The following NAAA variants were observed in gnomAD, a reference collection of about 807,000 sequenced individuals.
NAAA encodes the protein N-acylethanolamine acid amidase.
NAAA carries 39 observed loss-of-function variants against 44.8 expected under a neutral mutation model. The observed-to-expected ratio is 0.87, with a 90% CI of 0.67 to 1.14. The LOEUF (loss-of-function observed/expected upper bound fraction) is 1.14. Ranked by LOEUF, NAAA falls within the 50% of genes most tolerant of loss-of-function variation. NAAA has a pLI of 0.00. For synonymous variants in NAAA, 178 were observed against 191.3 expected, an observed-to-expected ratio of 0.93 and a Z score of 0.58; for missense variants, 460 against 467.8, an observed-to-expected ratio of 0.98 and a Z score of 0.15.
At chr4:75,938,861 T>C (rs1356046926) in intron 2 of NAAA, among the ~76,000 whole-genome samples, 1 of 152,198 alleles carries the variant, frequency 6.6e-6, no homozygotes, top group Non-Finnish European at 1.5e-5. Context: ...GCACTTTTTT[T>C]CTTTGATATG....
At chr4:75,933,709 A>C (rs1278996973) in intron 3 of NAAA, among the ~76,000 whole-genome samples, 1 of 152,104 alleles carries the variant, frequency 6.6e-6, no homozygotes, top group East Asian at 1.9e-4. Flanking sequence ...CTAGTCAGTT[A>C]ACATAAACAA....
chr4:75,913,924 C>A lies in NAAA; in HGVS notation c.*451G>T. On this transcript the variant is annotated 3_prime_UTR_variant, in exon 11 of 11. Transcript: ENST00000286733. ...AGGCTTGGTTCGAAATAGAGTTCTC[C>A]ATTTCTTTCAGATGAGCCTTTTTTC... is the stretch of plus-strand genomic sequence containing the variant. The A allele has an allele frequency of 1.0e-6, 1 of 985,394 alleles. No individual in the cohort carries two copies. Among genetic ancestry groups the A allele is most frequent in the Non-Finnish European group, 1.2e-6 (1 of 829,920 alleles). The allele number at this position is 985,394 out of a possible 1,614,324, so 61.0% of individuals were successfully genotyped here. A position where few individuals can be genotyped will look rare whatever the true frequency, so the allele number is the denominator to read the frequency against.
chr4:75,935,760 G>A (rs1395684786), intron 3 of NAAA: 3 of 297,830 alleles, frequency 1.0e-5, no homozygotes, highest in Non-Finnish European at 1.8e-5. Flanking sequence ...GGTGTTTCTA[G>A]TTATTGCACT....
In NAAA at chr4:75,926,560, C is replaced by CAAAA. The variant is rs56212846; in HGVS notation, c.590-753_590-750dup. On this transcript the variant is annotated intron_variant, in intron 4 of 10. Coordinates refer to ENST00000286733, the MANE Select transcript of NAAA (RefSeq NM_014435.4). ...TGGGTGACAGAGAGAGACTCTGTCT[C>CAAAA]AAAAAAAAAAAAAAAAAAAAGACGG... is the stretch of plus-strand genomic sequence containing the variant. Among the ~76,000 whole-genome samples the CAAAA allele has an allele frequency of 4.8e-3, 339 of 70,058 alleles. 13 individuals carry two copies. Among genetic ancestry groups the CAAAA allele is most frequent in the South Asian group, 0.013 (22 of 1,754 alleles). 46.0% of individuals were successfully genotyped at this position (70,058 alleles called of 152,430 possible).
At chr4:75,930,335 G>C (rs895851744) in intron 4 of NAAA, 1 of 383,172 alleles carries the variant, frequency 2.6e-6, no homozygotes, top group Non-Finnish European at 5.1e-6. Context: ...TCAATGAACA[G>C]AGCAATTGGG....
chr4:75,925,868 AC>A, intron 4 of NAAA, 57 bp from the exon 5 acceptor site: 1 of 1,492,910 alleles, frequency 6.7e-7, no homozygotes, highest in Non-Finnish European at 9.3e-7. Flanking sequence ...CACACATGAA[AC>A]AGATATGTTA....
Position 75,918,660 on chromosome 4 carries a change from G to A in NAAA, c.998+101C>T, listed in dbSNP as rs1725855895. On this transcript the variant is annotated intron_variant, in intron 9 of 10. Transcript: ENST00000286733. ...CCCCACAGGAGTGCCCCCACAGCCT[G>A]GTTACAGGAGCCCTCAGATCCTTGC... is the stretch of plus-strand genomic sequence containing the variant. 3.1e-6 allele frequency: 4 copies of A among 1,277,942 alleles called. No homozygotes were observed. In the African/African-American group the frequency reaches 5.9e-5, roughly 19 times the overall value. The allele number at this position is 1,277,942 out of a possible 1,614,324, so 79.2% of individuals were successfully genotyped here.
chr4:75,911,886 G>C (rs1362545193), downstream of NAAA, among the ~76,000 whole-genome samples: 1 of 152,126 alleles, frequency 6.6e-6, no homozygotes, highest in Non-Finnish European at 1.5e-5. Flanking sequence ...TCCCTAGCAG[G>C]GCAGAGGTTA....
intron 3 of NAAA, among the ~76,000 whole-genome samples, chr4:75,933,908 T>C (rs954323264): frequency 1.3e-5 from 2 of 151,980 alleles, no homozygotes; most frequent in East Asian, 3.9e-4. Flanking sequence ...CACCCTCCTA[T>C]AGTCCCAGCT....
chr4:75,913,430 G>A (rs6825463), downstream of NAAA, among the ~76,000 whole-genome samples: 13,849 of 152,010 alleles, frequency 0.091, 1,146 homozygotes, highest in African/African-American at 0.22. Context: ...CATGGACTGA[G>A]TGCTGCTTCA....
chr4:75,939,405 T>A (rs945426993), intron 2 of NAAA, among the ~76,000 whole-genome samples: 8 of 150,090 alleles, frequency 5.3e-5, no homozygotes, highest in African/African-American at 1.9e-4. Flanking sequence ...AAAGTACGTT[T>A]TGAGCAGAAT....
At chr4:75,925,437 G>T (rs757315055) in intron 5 of NAAA, among the ~76,000 whole-genome samples, 21 of 152,132 alleles carry the variant, frequency 1.4e-4, no homozygotes, top group Admixed American at 1.4e-3. Flanking sequence ...TAAGCTCCTT[G>T]TTCCCTCACC....
In NAAA at chr4:75,940,017, C is replaced by T; in HGVS notation, c.355G>A (p.Ala119Thr). The T allele has an allele frequency of 6.2e-7, 1 of 1,613,912 alleles. No individual in the cohort carries two copies. Among genetic ancestry groups the T allele is most frequent in the Non-Finnish European group, 8.5e-7 (1 of 1,180,034 alleles). The change falls in exon 2 of 11, where the codon GCC becomes ACC. Residue 119 changes from alanine to threonine, a missense_variant. By Grantham distance (58) the Ala-to-Thr change is moderately conservative. Transcript: ENST00000286733. ...GGCACTCACACGGAGGACTCGTAGGCCAGGTTGACCAGAAGGCAGTCCGCC... is the reference window on the plus strand; with the variant it reads ...GGCACTCACACGGAGGACTCGTAGGTCAGGTTGACCAGAAGGCAGTCCGCC... Reference protein sequence around the residue: ...SLADCLLVNLAYESSVFCTSI... With the variant: ...SLADCLLVNLTYESSVFCTSI...
Position 75,920,941 on chromosome 4 carries a change from T to A in NAAA, c.839+10A>T, listed in dbSNP as rs552142840. The A allele has an allele frequency of 6.2e-7, 1 of 1,613,768 alleles. No homozygotes were observed. The highest frequency in any genetic ancestry group is 1.3e-5 in the African/African-American group (1 of 74,968). On this transcript the variant is annotated intron_variant, in intron 6 of 10. Coordinates refer to ENST00000286733, the MANE Select transcript of NAAA (RefSeq NM_014435.4). The stretch of plus-strand genomic sequence containing the variant: ...GATACAAAATGACCAGAGCTTTCAA[T>A]TCTACTTACGCTCCATTCAAAGGAT...
chr4:75,933,171 T>C (rs1727395942), intron 3 of NAAA, among the ~76,000 whole-genome samples: 1 of 150,690 alleles, frequency 6.6e-6, no homozygotes. Flanking sequence ...AGTATCTGAC[T>C]CATACTGTTC....
intron 3 of NAAA, among the ~76,000 whole-genome samples, chr4:75,931,527 GA>G (rs202044458): frequency 6.7e-6 from 1 of 149,790 alleles, no homozygotes; most frequent in Non-Finnish European, 1.5e-5. Flanking sequence ...CCTTGGATGG[GA>G]AAAAAAAAGA....
chr4:75,930,075 G>A (rs1024897846), intron 4 of NAAA, among the ~76,000 whole-genome samples: 6 of 152,010 alleles, frequency 3.9e-5, no homozygotes, highest in Admixed American at 1.3e-4. Flanking sequence ...GCAACAGGGC[G>A]AGACTGTCTC....
At chr4:75,925,696 A>C in intron 5 of NAAA, 39 bp downstream of exon 5, 1 of 1,574,712 alleles carries the variant, frequency 6.4e-7, no homozygotes, top group Non-Finnish European at 8.7e-7. Context: ...TAGAAGGTGG[A>C]GGTGGAGTTA....
intron 2 of NAAA, among the ~76,000 whole-genome samples, chr4:75,937,608 C>A (rs1727852847): frequency 6.6e-6 from 1 of 152,158 alleles, no homozygotes; most frequent in Non-Finnish European, 1.5e-5. Flanking sequence ...ACTTCAGCCT[C>A]CTGAGTATCT....
Sources: gnomAD v4.1 joint callset for allele counts (sites outside exome capture counted in the v4.1 genomes callset) on GRCh38, gnomAD v4.1.1 for gene constraint, MANE v1.5 for transcripts, NCBI Gene and HGNC (gene_info 2026-07-23, HGNC 2026-07-21) for gene names.